ARRB1: variants seen among roughly 807,000 people sequenced by gnomAD.
ARRB1 encodes the protein arrestin beta 1.
A neutral mutation model predicts 56.8 loss-of-function variants in ARRB1; 21 were observed. The ratio of observed to expected loss-of-function variants is 0.37; its 90% confidence interval spans 0.26 to 0.53. ARRB1 has a LOEUF of 0.53. Ranked by LOEUF, ARRB1 falls within the 20% of genes least tolerant of loss-of-function variation. ARRB1 has a pLI of 0.88. For synonymous variants in ARRB1, 210 were observed against 218.6 expected, an observed-to-expected ratio of 0.96 and a Z score of 0.35; for missense variants, 424 against 553.7, an observed-to-expected ratio of 0.77 and a Z score of 2.35.
intron 12 of ARRB1, among the ~76,000 whole-genome samples, chr11:75,272,163 TACTGCC>T (rs1231527835): frequency 6.6e-6 from 1 of 152,280 alleles, no homozygotes; most frequent in African/African-American, 2.4e-5. Context: ...CAGGATTACA[TACTGCC>T]ACCTGCCAAG....
intron 1 of ARRB1, among the ~76,000 whole-genome samples, chr11:75,319,574 C>T (rs772113452): frequency 1.1e-4 from 17 of 152,194 alleles, no homozygotes; most frequent in Non-Finnish European, 2.4e-4. Flanking sequence ...GTCCTCACTG[C>T]TCCATCAGGT....
At chr11:75,351,525 C>T in intron 1 of ARRB1, 63 bp downstream of exon 1, 1 of 1,495,802 alleles carries the variant, frequency 6.7e-7, no homozygotes, top group Non-Finnish European at 8.9e-7. Context: ...TCGGAGCCCC[C>T]GCCCGTGTCC....
intron 1 of ARRB1, among the ~76,000 whole-genome samples, chr11:75,320,378 C>T (rs1023882511): frequency 1.3e-5 from 2 of 152,204 alleles, no homozygotes; most frequent in African/African-American, 2.4e-5. Flanking sequence ...CAAACTCCTC[C>T]GCCTCCTCCT....
At chr11:75,298,450 A>G (rs1946815803) in intron 1 of ARRB1, among the ~76,000 whole-genome samples, 1 of 152,206 alleles carries the variant, frequency 6.6e-6, no homozygotes, top group Non-Finnish European at 1.5e-5. Flanking sequence ...ACATGAAAAG[A>G]TGTTCAGCAT....
intron 3 of ARRB1, among the ~76,000 whole-genome samples, chr11:75,286,744 T>C (rs1946488007): frequency 6.6e-6 from 1 of 152,136 alleles, no homozygotes; most frequent in Non-Finnish European, 1.5e-5. Flanking sequence ...GAACAAGAAC[T>C]TGGAAGGTGC....
At chr11:75,274,457 C>T (rs1946147229) in intron 10 of ARRB1, 6 of 507,946 alleles carry the variant, frequency 1.2e-5, no homozygotes, top group Middle Eastern at 5.3e-4. Flanking sequence ...AAAAGATTAT[C>T]CTAGTCAAGC....
intron 11 of ARRB1, among the ~76,000 whole-genome samples, chr11:75,273,436 G>C (rs1432178355): frequency 6.6e-6 from 1 of 152,204 alleles, no homozygotes; most frequent in African/African-American, 2.4e-5. Flanking sequence ...GGTAGGGTGT[G>C]AGCCAGGGTG....
In ARRB1 at chr11:75,274,054, C is replaced by T; in HGVS notation, c.914+20G>A. 6.2e-7 allele frequency: 1 copy of T among 1,613,912 alleles called. No individual in the cohort carries two copies. The highest frequency in any genetic ancestry group is 8.5e-7 in the Non-Finnish European group (1 of 1,179,884). ...GGCAAGATGCACTAGGAGCCCAGGG[C>T]TAGGAGGGCAGGTCCTCACAGGGTG... On this transcript the variant is annotated intron_variant, in intron 11 of 15. Coordinates refer to ENST00000420843, the MANE Select transcript of ARRB1 (RefSeq NM_004041.5).
At chr11:75,345,547 G>T (rs1947753836) in intron 1 of ARRB1, among the ~76,000 whole-genome samples, 1 of 152,132 alleles carries the variant, frequency 6.6e-6, no homozygotes, top group African/African-American at 2.4e-5. Context: ...AACCTCAGGA[G>T]CCCCCGGTGT....
intron 1 of ARRB1, among the ~76,000 whole-genome samples, chr11:75,350,543 A>G (rs1250572825): frequency 1.3e-5 from 2 of 152,172 alleles, no homozygotes; most frequent in Non-Finnish European, 2.9e-5. Context: ...TCCTGTCTGA[A>G]GGGCTGCCCC....
At chr11:75,272,676 G>A (rs1946096936) in intron 12 of ARRB1, 15 of 556,484 alleles carry the variant, frequency 2.7e-5, no homozygotes, top group Middle Eastern at 4.8e-4. Flanking sequence ...AGAGATGGGT[G>A]GGGGTAAGAG....
At chr11:75,266,617 G>A (rs998376932) in intron 15 of ARRB1, among the ~76,000 whole-genome samples, 3 of 152,152 alleles carry the variant, frequency 2.0e-5, no homozygotes, top group Non-Finnish European at 2.9e-5. Context: ...CCAGAGGAAG[G>A]ACTTATTCCC....
rs1945874819 is a variant in ARRB1, at chr11:75,264,825, T to C, written c.*1338A>G. 6.6e-6 allele frequency: 1 copy of C among 152,300 alleles called. No homozygotes were observed. The highest frequency in any genetic ancestry group is 1.5e-5 in the Non-Finnish European group (1 of 68,058). 9.4% of individuals were successfully genotyped at this position (152,300 alleles called of 1,614,324 possible). ...AACTTGCCCAAAGTCACACAGTAAG[T>C]TATTCTCAAAGGCCAGGCAAAGAGG... On this transcript the variant is annotated 3_prime_UTR_variant, in exon 16 of 16. Transcript: ENST00000420843.
intron 13 of ARRB1, chr11:75,269,280 C>A: frequency 1.9e-6 from 1 of 515,252 alleles, no homozygotes; most frequent in Non-Finnish European, 3.7e-6. Flanking sequence ...CACTGCGGGG[C>A]TCCAGAGGTG....
At chr11:75,341,326 C>T (rs756267516) in intron 1 of ARRB1, among the ~76,000 whole-genome samples, 9 of 151,846 alleles carry the variant, frequency 5.9e-5, no homozygotes, top group East Asian at 1.9e-4. Context: ...TTAGTAGAGA[C>T]GAGGTTTCAC....
chr11:75,284,772 G>A (rs898711108), intron 3 of ARRB1, among the ~76,000 whole-genome samples: 11 of 152,002 alleles, frequency 7.2e-5, no homozygotes, highest in East Asian at 1.9e-4. Context: ...GCATGGTGGC[G>A]GGCCCCTGTA....
chr11:75,284,902 C>CAAAAT (rs59336893), intron 3 of ARRB1, among the ~76,000 whole-genome samples: 3 of 150,500 alleles, frequency 2.0e-5, no homozygotes, highest in Non-Finnish European at 1.5e-5. Context: ...GACTCTGTCT[C>CAAAAT]AAAATAAAAT....
chr11:75,292,596 G>A (rs1285664946), intron 1 of ARRB1, among the ~76,000 whole-genome samples: 1 of 152,178 alleles, frequency 6.6e-6, no homozygotes, highest in Non-Finnish European at 1.5e-5. Context: ...CAGAGAAGTG[G>A]CACCGGCCAC....
At chr11:75,332,461 A>G (rs571275907) in intron 1 of ARRB1, among the ~76,000 whole-genome samples, 3 of 152,192 alleles carry the variant, frequency 2.0e-5, no homozygotes, top group East Asian at 3.9e-4. Context: ...TTTGTCATCT[A>G]TTTTCTCTAA....
Sources: allele counts gnomAD v4.1 joint callset (sites outside exome capture counted in the v4.1 genomes callset), GRCh38; gene constraint gnomAD v4.1.1; transcripts MANE v1.5; gene names NCBI Gene and HGNC (gene_info 2026-07-23, HGNC 2026-07-21).